GRTP1: variants seen among roughly 807,000 people sequenced by gnomAD.
GRTP1 encodes the protein growth hormone-regulated TBC protein 1.
A neutral mutation model predicts 38.1 loss-of-function variants in GRTP1; 56 were observed. The ratio of observed to expected loss-of-function variants is 1.47; its 90% CI spans 1.19 to 1.84. The LOEUF is 1.84. Among genes scored for constraint, GRTP1 ranks in the 40% most tolerant of loss-of-function variants. GRTP1 has a pLI of 0.00. For missense variants in GRTP1, 506 were observed against 453.9 expected, an observed-to-expected ratio of 1.11 and a Z score of -1.04; for synonymous variants, 217 against 189.5, an observed-to-expected ratio of 1.14 and a Z score of -1.19.
Position 113,324,571 on chromosome 13 carries a change from A to G in GRTP1, c.928T>C (p.Phe310Leu), listed in dbSNP as rs2042731306. The G allele has an allele frequency of 6.2e-7, 1 of 1,606,924 alleles. No homozygotes were observed. Among genetic ancestry groups the G allele is most frequent in the Non-Finnish European group, 8.5e-7 (1 of 1,176,866 alleles). Residue 310 changes from phenylalanine to leucine, a missense_variant, in exon 8 of 8, where the codon TTT (phenylalanine) becomes CTT (leucine). Phe to Leu is a conservative substitution (Grantham distance 22, BLOSUM62 0). Coordinates refer to ENST00000375431, the MANE Select transcript of GRTP1 (RefSeq NM_024719.4). ...ATGGATAAGCTTCCAGGTTCTGAAAATATTTTCTGGAAGGCAAACAGTTAG... is the reference window on the plus strand; with the variant it reads ...ATGGATAAGCTTCCAGGTTCTGAAAGTATTTTCTGGAAGGCAAACAGTTAG... ...MECHTFMQKI[F>L]SEPGSLSMAT...
intron 2 of GRTP1, 88 bp downstream of exon 2, chr13:113,363,674 C>T: frequency 2.2e-6 from 3 of 1,373,820 alleles, no homozygotes; most frequent in Non-Finnish European, 1.0e-6. Flanking sequence ...CTCCCCCTCC[C>T]TCCGCTCCGG....
chr13:113,346,377 C>T (rs369374273), intron 4 of GRTP1, among the ~76,000 whole-genome samples: 1 of 3,082 alleles, frequency 3.2e-4, no homozygotes, highest in African/African-American at 1.0e-3. Flanking sequence ...TGGCTGAGAG[C>T]GGACCTGGGA....
At chr13:113,339,853 C>T (rs1355288545) in intron 5 of GRTP1, 1 of 152,182 alleles carries the variant, frequency 6.6e-6, no homozygotes, top group Non-Finnish European at 1.5e-5. Flanking sequence ...TAAAAAAATA[C>T]TTCATAGTCA....
At position 113,325,368 on chromosome 13, in the gene GRTP1, C is replaced by T. The variant is rs547407501; in HGVS notation, c.921+293G>A. 58 of 1,427,640 alleles carry T rather than the reference C, an allele frequency of 4.1e-5. No homozygotes were observed. The East Asian group carries it at 9.3e-4, about 23-fold the overall frequency. 88.4% of individuals were successfully genotyped at this position (1,427,640 alleles called of 1,614,324 possible). On this transcript the variant is annotated intron_variant, in intron 7 of 7. Transcript: ENST00000375431. ...CAGGTCCAGGACCCAGTGGGGAGGC[C>T]GGGCCTCGGGAAGCCACACTTCTGG...
intron 7 of GRTP1, 30 bp downstream of exon 7, chr13:113,325,630 AG>A (rs766701002): frequency 3.2e-5 from 51 of 1,610,084 alleles, no homozygotes; most frequent in Non-Finnish European, 4.2e-5. Flanking sequence ...GCCCCCTGGG[AG>A]GGGACTGAGC....
chr13:113,330,705 TGGAAACCCGGGTGTGTGC>T lies in GRTP1; in HGVS notation c.563-4632_563-4615del, dbSNP rs1175982219. Among the ~76,000 whole-genome samples, 31 of 104,176 alleles carry T rather than the reference TGGAAACCCGGGTGTGTGC, an allele frequency of 3.0e-4. 4 individuals are homozygous for T. The highest frequency in any genetic ancestry group is 6.0e-4 in the Admixed American group (6 of 10,062). 68.3% of individuals were successfully genotyped at this position (104,176 alleles called of 152,430 possible). On this transcript the variant is annotated intron_variant, in intron 5 of 7. Coordinates refer to ENST00000375431, the MANE Select transcript of GRTP1 (RefSeq NM_024719.4). ...GTGCATGGGAGCCCAGGTGTGTGCA[TGGAAACCCGGGTGTGTGC>T]ATGGAAACCCAGGTGTGTGCATGGG...
At position 113,324,384 on chromosome 13, in the gene GRTP1, G is replaced by GTATT; in HGVS notation, c.*100_*103dup. ...CACAACTAAAGTGTAGTGATGTCAA[G>GTATT]TATTTACAACACTAAAAAGGAAAGC... On this transcript the variant is annotated 3_prime_UTR_variant, in exon 8 of 8. Transcript: ENST00000375431. 6.5e-6 allele frequency: 9 copies of GTATT among 1,389,284 alleles called. No homozygotes were observed. Among genetic ancestry groups the GTATT allele is most frequent in the African/African-American group, 1.5e-5 (1 of 67,472 alleles). The allele number at this position is 1,389,284 out of a possible 1,614,324, so 86.1% of individuals were successfully genotyped here.
rs374930464 is a variant in GRTP1, at chr13:113,325,888, G to A, written c.735+31C>T. 89 of 1,613,634 alleles carry A rather than the reference G, an allele frequency of 5.5e-5. 1 individual carries two copies. The highest frequency in any genetic ancestry group is 3.5e-4 in the South Asian group (32 of 91,060). On this transcript the variant is annotated intron_variant, in intron 6 of 7. Coordinates refer to ENST00000375431, the MANE Select transcript of GRTP1 (RefSeq NM_024719.4). Reference sequence around the variant, plus strand: ...ACCCGGTGTCACTCCCTGGCGGCCCGCCCGCCCCAGGGCCCGAGTGAGGCG... The same window carrying A: ...ACCCGGTGTCACTCCCTGGCGGCCCACCCGCCCCAGGGCCCGAGTGAGGCG...
intron 2 of GRTP1, among the ~76,000 whole-genome samples, chr13:113,358,151 C>T (rs902577078): frequency 6.6e-6 from 1 of 152,106 alleles, no homozygotes; most frequent in African/African-American, 2.4e-5. Flanking sequence ...CACTGCACTC[C>T]AGCCTGGGAG....
At chr13:113,337,125 C>G (rs762114172) in intron 5 of GRTP1, among the ~76,000 whole-genome samples, 1 of 151,494 alleles carries the variant, frequency 6.6e-6, no homozygotes, top group Non-Finnish European at 1.5e-5. Context: ...AAGACCCTGT[C>G]TGTACTCAAA....
chr13:113,350,821 C>G, intron 4 of GRTP1, 28 bp downstream of exon 4: 1 of 1,538,974 alleles, frequency 6.5e-7, no homozygotes, highest in Non-Finnish European at 8.8e-7. Flanking sequence ...ACAGCCACCT[C>G]ATGGCGTCAG....
intron 5 of GRTP1, among the ~76,000 whole-genome samples, chr13:113,328,895 A>G (rs1439774150): frequency 1.3e-5 from 2 of 151,890 alleles, no homozygotes; most frequent in Non-Finnish European, 2.9e-5. Context: ...TGTGGACTAA[A>G]TTTTCCTGAT....
chr13:113,363,612 G>A (rs1229621079), intron 2 of GRTP1, 150 bp downstream of exon 2: 9 of 792,762 alleles, frequency 1.1e-5, no homozygotes, highest in African/African-American at 5.4e-5. Flanking sequence ...GGTCCCTGCG[G>A]CTGCCCTAGC....
At chr13:113,355,186 A>G (rs1366308741) in intron 3 of GRTP1, 137 bp downstream of exon 3, 1 of 806,966 alleles carries the variant, frequency 1.2e-6, no homozygotes, top group South Asian at 1.9e-5. Context: ...TGATTCTTTC[A>G]TGGAGGAAGA....
chr13:113,331,649 T>C (rs1480249831), intron 5 of GRTP1, among the ~76,000 whole-genome samples: 76 of 75,282 alleles, frequency 1.0e-3, no homozygotes, highest in African/African-American at 5.4e-3. Context: ...TTTGGTTTAC[T>C]TTTTTTTTTT....
rs956640110 is a variant in GRTP1 at position 113,326,498 on chromosome 13, C to T, written c.563-407G>A. On this transcript the variant is annotated intron_variant, in intron 5 of 7. Transcript: ENST00000375431. The stretch of plus-strand genomic sequence containing the variant: ...CAGCCTGGCTGACATGGCTGAAACC[C>T]CGTCTCTACTAAAAATACAAAAATT... 2.0e-5 allele frequency among the ~76,000 whole-genome samples: 3 copies of T among 151,782 alleles called. No homozygotes were observed. The East Asian group carries it at 5.8e-4, about 29-fold the overall frequency.
At chr13:113,355,226 A>G in intron 3 of GRTP1, 97 bp downstream of exon 3, 1 of 1,250,438 alleles carries the variant, frequency 8.0e-7, no homozygotes, top group Middle Eastern at 2.7e-4. Context: ...CAGCAGGCGC[A>G]CCGCTCACCC....
intron 5 of GRTP1, among the ~76,000 whole-genome samples, chr13:113,333,640 G>C (rs2042907370): frequency 6.6e-6 from 1 of 151,964 alleles, no homozygotes; most frequent in Admixed American, 6.6e-5. Context: ...GAGCAGCTGG[G>C]ATTACAGGTG....
At chr13:113,350,781 G>A (rs1430469883) in intron 4 of GRTP1, 68 bp downstream of exon 4, 23 of 1,393,732 alleles carry the variant, frequency 1.7e-5, no homozygotes, top group South Asian at 3.0e-5. Flanking sequence ...CGTCACTGCC[G>A]AGCCTGCAGC....
Sources: gnomAD v4.1 joint callset for allele counts (sites outside exome capture counted in the v4.1 genomes callset) on GRCh38, gnomAD v4.1.1 for gene constraint, MANE v1.5 for transcripts, NCBI Gene and HGNC (gene_info 2026-07-23, HGNC 2026-07-21) for gene names.